The following LAMC2 variants were observed in gnomAD, a reference collection of about 807,000 sequenced individuals.
LAMC2 encodes laminin subunit gamma-2.
Under a neutral mutation model 140.2 loss-of-function variants are expected in LAMC2, and 97 were observed. The ratio of observed to expected loss-of-function variants is 0.69; its 90% CI spans 0.59 to 0.82. LAMC2 has a LOEUF of 0.82. Among genes scored for constraint, LAMC2 ranks in the 40% least tolerant of loss-of-function variants. The pLI is 0.00. For missense variants in LAMC2, 1,402 were observed against 1,476.1 expected, an observed-to-expected ratio of 0.95 and a Z score of 0.82; for synonymous variants, 513 against 540.2, an observed-to-expected ratio of 0.95 and a Z score of 0.70.
rs1659708282 is a variant in LAMC2, at chr1:183,228,638, C to A, written c.1714+19C>A. ...TGTCGAGGTAGGACTCCACCCCAGG[C>A]AGGCTGTGTCTGTGCGTGCCTGTGT... is the stretch of plus-strand genomic sequence containing the variant. On this transcript the variant is annotated intron_variant, in intron 11 of 22. Coordinates refer to ENST00000264144, the MANE Select transcript of LAMC2 (RefSeq NM_005562.3). The surrounding 1 kb of genome is among the most constrained non-coding windows in gnomAD (Gnocchi z 4.3). 2 of 1,613,564 alleles carry A rather than the reference C, an allele frequency of 1.2e-6. No homozygotes were observed. The highest frequency in any genetic ancestry group is 1.7e-6 in the Non-Finnish European group (2 of 1,180,014).
Position 183,237,400 on chromosome 1 carries a change from C to A in LAMC2, c.2650C>A (p.Leu884Met). 1 of 1,614,140 alleles carries A rather than the reference C, an allele frequency of 6.2e-7. No homozygotes were observed. The highest frequency in any genetic ancestry group is 8.5e-7 in the Non-Finnish European group (1 of 1,179,992). Reference sequence around the variant, plus strand: ...ACAAAAAGCGGATTCACTCTCAAGCCTGGTAACCAGGCATATGGATGAGTT... The same window carrying A: ...ACAAAAAGCGGATTCACTCTCAAGCATGGTAACCAGGCATATGGATGAGTT... ...IKQKADSLSS[L>M]VTRHMDEFKR... Residue 884 changes from leucine (L) to methionine (M), a missense_variant, in exon 18 of 23, where the codon CTG (leucine) becomes ATG (methionine). Around this residue, in one of 3 missense-constraint regions of LAMC2, gnomAD observed 670 missense variants for 667.2 expected, o/e 1.00. Transcript: ENST00000264144.
the LAMC2 span, among the ~76,000 whole-genome samples, chr1:183,252,994 T>C: frequency 6.6e-6 from 1 of 152,160 alleles, no homozygotes; most frequent in Non-Finnish European, 1.5e-5. Context: ...TTCTTCAGTT[T>C]TTTTCCTGTA....
At chr1:183,220,211 A>G (rs1659425273) in intron 4 of LAMC2, among the ~76,000 whole-genome samples, 1 of 152,086 alleles carries the variant, frequency 6.6e-6, no homozygotes. Flanking sequence ...CACTGGAGGG[A>G]TTGAGCTGGG....
intron 22 of LAMC2, 49 bp from the exon 23 acceptor site, chr1:183,243,098 T>A: frequency 6.2e-7 from 1 of 1,611,510 alleles, no homozygotes; most frequent in South Asian, 1.1e-5. Context: ...TTCAAGGAGA[T>A]CTAACTACAG....
At chr1:183,227,240 G>A (rs1659653726) in intron 9 of LAMC2, among the ~76,000 whole-genome samples, 1 of 152,142 alleles carries the variant, frequency 6.6e-6, no homozygotes, top group African/African-American at 2.4e-5. Flanking sequence ...GCCGACAAAT[G>A]GTGTCAGGCC....
intron 1 of LAMC2, among the ~76,000 whole-genome samples, chr1:183,189,114 G>A (rs959493452): frequency 2.0e-5 from 3 of 152,122 alleles, no homozygotes; most frequent in African/African-American, 7.2e-5. Flanking sequence ...AAAGCAAAGA[G>A]GAAACAGATT....
At chr1:183,235,781 G>C in intron 16 of LAMC2, 51 bp downstream of exon 16, 1 of 1,601,336 alleles carries the variant, frequency 6.2e-7, no homozygotes, top group Non-Finnish European at 8.5e-7. Context: ...GATACTCCCA[G>C]GGCAAAATGC....
rs1368279179 is a variant in LAMC2, at chr1:183,228,443, C to T, written c.1538C>T (p.Pro513Leu). 2 of 1,613,994 alleles carry T rather than the reference C, an allele frequency of 1.2e-6. No individual in the cohort carries two copies. Among genetic ancestry groups the T allele is most frequent in the Admixed American group, 3.3e-5 (2 of 60,006 alleles). ...TTTGGTGAACATGGCCCAGTGAGGC[C>T]TTGTCAGCCCTGTCAATGCAACAAC... ...DPFGEHGPVR[P>L]CQPCQCNNNV... The change falls in exon 11 of 23, where the codon CCT (proline) becomes CTT (leucine). Residue 513 changes from proline to leucine, a missense_variant. Physicochemically the swap from Pro to Leu is moderately conservative, Grantham distance 98. Coordinates refer to ENST00000264144, the MANE Select transcript of LAMC2 (RefSeq NM_005562.3). This position sits in a 1 kb window ranked among gnomAD's most constrained non-coding sequence, Gnocchi z 4.3.
In LAMC2 at chr1:183,234,366, G is replaced by C; in HGVS notation, c.2221-1G>C. 1 of 1,613,638 alleles carries C rather than the reference G, an allele frequency of 6.2e-7. No homozygotes were observed. Among genetic ancestry groups the C allele is most frequent in the Non-Finnish European group, 8.5e-7 (1 of 1,179,674 alleles). On this transcript the variant is annotated splice_acceptor_variant, in intron 14 of 22. Coordinates refer to ENST00000264144, the MANE Select transcript of LAMC2 (RefSeq NM_005562.3). LOFTEE classifies it high-confidence loss of function. ...CTTAACCGATTCTCCTTTTCCCACAGAACATTCCTGCCTCAGACCACTACG... is the reference window on the plus strand; with the variant it reads ...CTTAACCGATTCTCCTTTTCCCACACAACATTCCTGCCTCAGACCACTACG...
In LAMC2 at chr1:183,226,692, T is replaced by C. The variant is rs746421962; in HGVS notation, c.1067-6T>C. The C allele has an allele frequency of 6.2e-7, 1 of 1,611,666 alleles. No homozygotes were observed. The highest frequency in any genetic ancestry group is 8.5e-7 in the Non-Finnish European group (1 of 1,177,664). ...TGCAACTTCTAACCTGTTCTCTCGA[T>C]TGCAGGTACTGGGTACATTGACAAT... On this transcript the variant is annotated splice_polypyrimidine_tract_variant and splice_region_variant and intron_variant, in intron 8 of 22. Transcript: ENST00000264144.
In LAMC2 at chr1:183,222,662, C is replaced by T. The variant is rs75166422; in HGVS notation, c.763+451C>T. Among the ~76,000 whole-genome samples the T allele has an allele frequency of 1.0e-3, 159 of 151,670 alleles. No individual in the cohort carries two copies. In the East Asian group the frequency reaches 0.024, roughly 23 times the overall value. ...CTAGAATTCCGATCCCAGTTCGTTT[C>T]CTTAGCTCATATGTGATTCTTGGGC... On this transcript the variant is annotated intron_variant, in intron 6 of 22. Transcript: ENST00000264144.
chr1:183,205,267 C>T (rs1658849449), intron 1 of LAMC2, among the ~76,000 whole-genome samples: 2 of 152,312 alleles, frequency 1.3e-5, no homozygotes, highest in South Asian at 2.1e-4. Flanking sequence ...GTGAATTTAG[C>T]TCTTGTACGT....
At chr1:183,187,539 A>AAGT (rs1658193743) in intron 1 of LAMC2, among the ~76,000 whole-genome samples, 1 of 152,066 alleles carries the variant, frequency 6.6e-6, no homozygotes, top group Non-Finnish European at 1.5e-5. Flanking sequence ...TATGTGAAAT[A>AAGT]ATGAACATAT....
At position 183,186,373 on chromosome 1, in the gene LAMC2, C is replaced by G. The variant is rs1414927760; in HGVS notation, c.21C>G (p.Gly7=). 1.2e-6 allele frequency: 2 copies of G among 1,604,270 alleles called. No individual in the cohort carries two copies. The highest frequency in any genetic ancestry group is 1.7e-5 in the Admixed American group (1 of 59,864). Residue 7 remains glycine, a synonymous_variant, in exon 1 of 23, where the codon GGC becomes GGG. Transcript: ENST00000264144. MPALWL[G]CCLCFSLLLP... The stretch of plus-strand genomic sequence containing the variant: ...CCGCCATGCCTGCGCTCTGGCTGGG[C>G]TGCTGCCTCTGCTTCTCGCTCCTCC...
At chr1:183,221,853 C>T (rs1437924087) in intron 5 of LAMC2, among the ~76,000 whole-genome samples, 3 of 151,972 alleles carry the variant, frequency 2.0e-5, no homozygotes, top group Admixed American at 1.3e-4. Flanking sequence ...TATCTTATCA[C>T]GAGTCAGACT....
chr1:183,257,849 CTATT>C, the LAMC2 span, among the ~76,000 whole-genome samples: 4 of 149,950 alleles, frequency 2.7e-5, no homozygotes, highest in South Asian at 4.2e-4. Context: ...TTTCTATTCT[CTATT>C]TAGTTTTGCT....
At chr1:183,189,960 G>A (rs1251291504) in intron 1 of LAMC2, among the ~76,000 whole-genome samples, 1 of 152,210 alleles carries the variant, frequency 6.6e-6, no homozygotes, top group Non-Finnish European at 1.5e-5. Context: ...GCTGTGGATA[G>A]TAGGAAGGAT....
rs763753364 is a variant in LAMC2 at position 183,226,741 on chromosome 1, T to C, written c.1110T>C (p.Pro370=). ...IDNVTLISAR[P]VSGAPAPWVE... is the part of the protein sequence containing the mutation. Reference sequence around the variant, plus strand: ...ATGTGACCCTGATTTCAGCCCGCCCTGTCTCTGGAGCCCCAGCACCCTGGG... The same window carrying C: ...ATGTGACCCTGATTTCAGCCCGCCCCGTCTCTGGAGCCCCAGCACCCTGGG... Residue 370 remains proline (P), a synonymous_variant, in exon 9 of 23, where the codon CCT becomes CCC. Coordinates refer to ENST00000264144, the MANE Select transcript of LAMC2 (RefSeq NM_005562.3). 6.2e-7 allele frequency: 1 copy of C among 1,614,262 alleles called. No homozygotes were observed. The highest frequency in any genetic ancestry group is 1.3e-5 in the African/African-American group (1 of 75,078).
Position 183,215,450 on chromosome 1 carries a change from C to T in LAMC2, c.269-3C>T. On this transcript the variant is annotated splice_region_variant and splice_polypyrimidine_tract_variant and intron_variant, in intron 2 of 22. Coordinates refer to ENST00000264144, the MANE Select transcript of LAMC2 (RefSeq NM_005562.3). ...TTCCTTTCCCCTACCTTGTGGGTTT[C>T]AGGTTCTCTTAGTGCTCGATGTGAC... 6.2e-7 allele frequency: 1 copy of T among 1,614,064 alleles called. No individual in the cohort carries two copies. Among genetic ancestry groups the T allele is most frequent in the Non-Finnish European group, 8.5e-7 (1 of 1,180,016 alleles).
Sources: gnomAD v4.1 joint callset for allele counts (sites outside exome capture counted in the v4.1 genomes callset) on GRCh38, gnomAD v4.1.1 for gene constraint, gnomAD v4.1.1 regional missense constraint, Gnocchi (gnomAD v3.1) non-coding constraint, MANE v1.5 for transcripts, NCBI Gene and HGNC (gene_info 2026-07-23, HGNC 2026-07-21) for gene names.